Variants in CARMIL1 observed in about 807,000 individuals in gnomAD.
CARMIL1 encodes capping protein regulator and myosin 1 linker 1.
CARMIL1 carries 90 observed loss-of-function variants against 177.1 expected under a neutral mutation model. The ratio of observed to expected loss-of-function variants is 0.51; its 90% CI spans 0.43 to 0.61. The LOEUF (loss-of-function observed/expected upper bound fraction) is 0.61. CARMIL1 is among the 20% of genes least tolerant of loss of function. The pLI is 0.00. For missense variants in CARMIL1, 1,380 were observed against 1,667.0 expected (o/e 0.83, Z 3.00); for synonymous variants, 577 against 606.2 (o/e 0.95, Z 0.71).
intron 31 of CARMIL1, among the ~76,000 whole-genome samples, chr6:25,593,025 C>T (rs1335375467): frequency 1.3e-5 from 2 of 152,194 alleles, no homozygotes; most frequent in East Asian, 1.9e-4. Context: ...CTCATAAGAT[C>T]GGAGTTTTTG....
At chr6:25,555,916 G>A (rs1344406074) in intron 28 of CARMIL1, among the ~76,000 whole-genome samples, 4 of 151,782 alleles carry the variant, frequency 2.6e-5, no homozygotes, top group Admixed American at 6.6e-5. Context: ...TTTTAATTGC[G>A]AAAAAATTTG....
intron 23 of CARMIL1, among the ~76,000 whole-genome samples, chr6:25,526,736 A>G (rs1807183224): frequency 6.6e-6 from 1 of 151,910 alleles, no homozygotes; most frequent in Admixed American, 6.6e-5. Context: ...AATTTTTTGT[A>G]GGGATGAGGT....
chr6:25,553,992 T>G lies in CARMIL1; in HGVS notation c.2505-17T>G, dbSNP rs1251392455. On this transcript the variant is annotated splice_polypyrimidine_tract_variant and intron_variant, in intron 27 of 36. Transcript: ENST00000329474. The stretch of plus-strand genomic sequence containing the variant: ...CACAAATTAAAATGGTACTCTGTCC[T>G]TTTGATTTTCACACAGTGAAGTAAA... 6.5e-6 allele frequency: 10 copies of G among 1,548,888 alleles called. No homozygotes were observed. The African/African-American group carries it at 1.2e-4, about 19-fold the overall frequency.
intron 29 of CARMIL1, among the ~76,000 whole-genome samples, chr6:25,559,222 G>C (rs1376044980): frequency 6.6e-6 from 1 of 152,074 alleles, no homozygotes; most frequent in African/African-American, 2.4e-5. Context: ...GCAATAGATT[G>C]CTCTTTTAAT....
At chr6:25,606,404 C>G in intron 35 of CARMIL1, 131 bp downstream of exon 35, 1 of 747,410 alleles carries the variant, frequency 1.3e-6, no homozygotes, top group Non-Finnish European at 2.1e-6. Context: ...GAGGGGATCA[C>G]AAGAAACCTA....
In CARMIL1 at chr6:25,556,828, T is replaced by G. The variant is rs377283343; in HGVS notation, c.2720T>G (p.Leu907Trp). ...TVEELTEIER[L>W]EDLDTCMMTP... Reference sequence around the variant, plus strand: ...GAGGAGCTAACAGAGATAGAGCGTTTGGAAGATCTGGATACCTGTATGGTA... The same window carrying G: ...GAGGAGCTAACAGAGATAGAGCGTTGGGAAGATCTGGATACCTGTATGGTA... Residue 907 changes from leucine to tryptophan, a missense_variant, in exon 29 of 37, where the codon TTG becomes TGG. Physicochemically the swap from Leu to Trp is moderately conservative, Grantham distance 61 (BLOSUM62 -2). Coordinates refer to ENST00000329474, the MANE Select transcript of CARMIL1 (RefSeq NM_017640.6). 5 of 1,613,322 alleles carry G rather than the reference T, an allele frequency of 3.1e-6. No individual in the cohort carries two copies. The highest frequency in any genetic ancestry group is 1.1e-5 in the South Asian group (1 of 91,050).
intron 22 of CARMIL1, among the ~76,000 whole-genome samples, chr6:25,518,985 G>A (rs1806279115): frequency 6.6e-6 from 1 of 152,156 alleles, no homozygotes; most frequent in East Asian, 1.9e-4. Flanking sequence ...AAAAATTAAA[G>A]CAATAGAAAT....
At chr6:25,465,768 A>C (rs1800546311) in intron 8 of CARMIL1, 105 bp from the exon 9 acceptor site, 1 of 739,962 alleles carries the variant, frequency 1.4e-6, no homozygotes, top group Non-Finnish European at 2.4e-6. Context: ...GTGTTTCTGA[A>C]TAATAGAAAT....
chr6:25,389,597 T>C (rs1792542201), intron 2 of CARMIL1, among the ~76,000 whole-genome samples: 1 of 152,194 alleles, frequency 6.6e-6, no homozygotes, highest in Non-Finnish European at 1.5e-5. Context: ...TTGTTTTTAT[T>C]CTAGACACTA....
intron 2 of CARMIL1, among the ~76,000 whole-genome samples, chr6:25,361,832 G>A (rs1380771307): frequency 6.6e-6 from 1 of 152,086 alleles, no homozygotes; most frequent in East Asian, 1.9e-4. Flanking sequence ...CTCTCTCACC[G>A]TATGATGCTC....
intron 2 of CARMIL1, among the ~76,000 whole-genome samples, chr6:25,410,574 G>A (rs1180142767): frequency 1.4e-5 from 2 of 146,418 alleles, no homozygotes; most frequent in Non-Finnish European, 3.0e-5. Flanking sequence ...GAGTAATTCT[G>A]TGTGGTCTTT....
chr6:25,416,817 T>G (rs1000309409), intron 2 of CARMIL1, among the ~76,000 whole-genome samples: 1 of 152,198 alleles, frequency 6.6e-6, no homozygotes, highest in African/African-American at 2.4e-5. Context: ...ATTTTAGGTC[T>G]TTGACAATGT....
rs572398503 is a variant in CARMIL1, at chr6:25,429,417, A to G, written c.249+2857A>G. ...GCGTCTCCTGTCTTCTGCAGCATCA[A>G]TGAAACATCTAATAGGCTAACTTAC... is the stretch of plus-strand genomic sequence containing the variant. On this transcript the variant is annotated intron_variant, in intron 4 of 36. Transcript: ENST00000329474. Among the ~76,000 whole-genome samples the G allele has an allele frequency of 7.9e-5, 12 of 152,264 alleles. No homozygotes were observed. In the South Asian group the frequency reaches 1.0e-3, roughly 13 times the overall value.
intron 16 of CARMIL1, among the ~76,000 whole-genome samples, chr6:25,499,052 T>C (rs1327169202): frequency 6.6e-6 from 1 of 152,172 alleles, no homozygotes; most frequent in Non-Finnish European, 1.5e-5. Context: ...CGAGCCCCTA[T>C]GTGTTCCATG....
intron 1 of CARMIL1, among the ~76,000 whole-genome samples, chr6:25,281,134 GCGCA>G (rs773911279): frequency 1.2e-4 from 8 of 67,930 alleles, no homozygotes; most frequent in South Asian, 6.1e-4. Flanking sequence ...GTGTGCGCGC[GCGCA>G]CACACACACA....
At chr6:25,338,592 G>T (rs187443346) in intron 2 of CARMIL1, among the ~76,000 whole-genome samples, 14 of 150,040 alleles carry the variant, frequency 9.3e-5, no homozygotes, top group Admixed American at 9.3e-4. Context: ...TTTGTTAGGA[G>T]AATTTACACT....
intron 24 of CARMIL1, among the ~76,000 whole-genome samples, chr6:25,535,241 A>AAGTGACCTACAGG: frequency 6.6e-6 from 1 of 152,332 alleles, no homozygotes; most frequent in South Asian, 2.1e-4. Flanking sequence ...CAGAATGCAG[A>AAGTGACCTACAGG]AGTGACCTAC....
intron 2 of CARMIL1, among the ~76,000 whole-genome samples, chr6:25,399,435 A>G (rs1793709635): frequency 6.6e-6 from 1 of 152,180 alleles, no homozygotes; most frequent in African/African-American, 2.4e-5. Flanking sequence ...TGTATCGTGG[A>G]TGGTTTATGT....
In CARMIL1 at chr6:25,281,128, G is replaced by GTA. The variant is rs751093285; in HGVS notation, c.40+1293_40+1294insTA. Among the ~76,000 whole-genome samples, 43 of 18,684 alleles carry GTA rather than the reference G, an allele frequency of 2.3e-3. 2 individuals carry two copies. The highest frequency in any genetic ancestry group is 0.042 in the Middle Eastern group (1 of 24). The allele number at this position is 18,684 out of a possible 152,430, so 12.3% of individuals were successfully genotyped here. On this transcript the variant is annotated intron_variant, in intron 1 of 36. Transcript: ENST00000329474. ...ATTATTCACAGACGCACGCGCGTGT[G>GTA]CGCGCGCGCACACACACACACACAC...
Sources: allele counts gnomAD v4.1 joint callset (sites outside exome capture counted in the v4.1 genomes callset), GRCh38; gene constraint gnomAD v4.1.1; transcripts MANE v1.5; gene names NCBI Gene and HGNC (gene_info 2026-07-23, HGNC 2026-07-21).